Variants in ICA1 observed in about 807,000 individuals in gnomAD.
ICA1 encodes islet cell autoantigen 1, also known as 69 kDa islet cell autoantigen.
In ICA1, 40 loss-of-function variants were observed where a neutral mutation model predicts 71.0. That is an observed-to-expected ratio of 0.56 (90% CI 0.44 to 0.73). The LOEUF (loss-of-function observed/expected upper bound fraction) is 0.73. ICA1 is among the 30% of genes least tolerant of loss of function. The probability of loss-of-function intolerance (pLI) is 0.00; values close to 1 mark genes in which losing one functional copy is unlikely to be tolerated. For missense variants in ICA1, 578 were observed against 576.5 expected (o/e 1.00, Z -0.03); for synonymous variants, 207 against 209.5 (o/e 0.99, Z 0.10).
chr7:8,175,160 T>C (rs1198146699), intron 6 of ICA1, among the ~76,000 whole-genome samples: 1 of 152,128 alleles, frequency 6.6e-6, no homozygotes, highest in Non-Finnish European at 1.5e-5. Flanking sequence ...CAGAGTGGGC[T>C]GGCCAAGCTG....
Position 8,113,940 on chromosome 7 carries a change from C to T in ICA1, c.1435G>A (p.Glu479Lys), listed in dbSNP as rs755899625. The stretch of plus-strand genomic sequence containing the variant: ...GTACAGATTCATGCATTGAGCAATT[C>T]GTGTTCTTTATCGGTTTTCCCAACA... The part of the protein sequence containing the change: ...DAVGKTDKEH[E>K]LLNA The change falls in exon 14 of 14, where the codon GAA (glutamate) becomes AAA (lysine). Residue 479 changes from glutamate to lysine, a missense_variant. Transcript: ENST00000402384. The surrounding 1 kb of genome is among the most constrained non-coding windows in gnomAD (Gnocchi z 4.2). The T allele has an allele frequency of 1.8e-5, 29 of 1,614,014 alleles. No homozygotes were observed. The highest frequency in any genetic ancestry group is 2.3e-5 in the Non-Finnish European group (27 of 1,180,036).
chr7:8,176,359 T>C (rs887078905), intron 6 of ICA1, among the ~76,000 whole-genome samples: 38 of 152,246 alleles, frequency 2.5e-4, no homozygotes, highest in Non-Finnish European at 8.8e-5. Flanking sequence ...CTTAAGGGTT[T>C]GCTCCTCTGA....
chr7:8,171,632 C>G (rs898571166), intron 6 of ICA1, among the ~76,000 whole-genome samples: 2 of 151,930 alleles, frequency 1.3e-5, no homozygotes, highest in South Asian at 4.1e-4. Flanking sequence ...TGCCCCTGCT[C>G]TTAATTACTG....
At chr7:8,252,610 A>G (rs1175997846) in intron 1 of ICA1, among the ~76,000 whole-genome samples, 4 of 151,704 alleles carry the variant, frequency 2.6e-5, no homozygotes, top group Admixed American at 1.3e-4. Context: ...TTGAAGACTT[A>G]GTAACAAAAA....
In ICA1 at chr7:8,197,547, G is replaced by GAA. The variant is rs71014771; in HGVS notation, c.579+20756_579+20757dup. On this transcript the variant is annotated intron_variant, in intron 6 of 13. Coordinates refer to ENST00000402384, the MANE Select transcript of ICA1 (RefSeq NM_001136020.3). ...GGCAATAGAGTGGGACTTCGTCTCA[G>GAA]AAAAAAAAAAAAAAAGAAGAAAGAA... Among the ~76,000 whole-genome samples, 43 of 122,176 alleles carry GAA rather than the reference G, an allele frequency of 3.5e-4. 2 individuals carry two copies. Among genetic ancestry groups the GAA allele is most frequent in the African/African-American group, 8.5e-4 (26 of 30,664 alleles). 80.2% of individuals were successfully genotyped at this position (122,176 alleles called of 152,430 possible).
chr7:8,117,145 C>G (rs1382172798), intron 13 of ICA1, among the ~76,000 whole-genome samples: 1 of 152,222 alleles, frequency 6.6e-6, no homozygotes, highest in Non-Finnish European at 1.5e-5. Flanking sequence ...ACATACTTTG[C>G]TTCCCCTTCA....
At chr7:8,245,800 C>T (rs1027023600) in intron 1 of ICA1, among the ~76,000 whole-genome samples, 4 of 152,084 alleles carry the variant, frequency 2.6e-5, no homozygotes, top group African/African-American at 9.7e-5. Context: ...ATATTAAGTA[C>T]TCAAGAGCCA....
intron 6 of ICA1, among the ~76,000 whole-genome samples, chr7:8,210,549 A>G (rs1257203644): frequency 1.3e-5 from 2 of 152,170 alleles, no homozygotes; most frequent in Non-Finnish European, 2.9e-5. Context: ...ACAGACCACT[A>G]TATAATTTCC....
At chr7:8,117,512 T>G (rs919680014) in intron 13 of ICA1, among the ~76,000 whole-genome samples, 2 of 152,224 alleles carry the variant, frequency 1.3e-5, no homozygotes, top group Admixed American at 1.3e-4. Flanking sequence ...ATGCAAGTCT[T>G]ACCTTCTCAA....
At chr7:8,143,792 G>GCCCA (rs1236697922) in intron 9 of ICA1, 83 bp downstream of exon 9, 1 of 840,762 alleles carries the variant, frequency 1.2e-6, no homozygotes, top group African/African-American at 1.7e-5. Flanking sequence ...TGCGTCTGAG[G>GCCCA]CCCAGCCAGG....
At chr7:8,154,937 A>G (rs948715586) in intron 8 of ICA1, among the ~76,000 whole-genome samples, 7 of 152,200 alleles carry the variant, frequency 4.6e-5, no homozygotes, top group African/African-American at 1.4e-4. Context: ...CATAAAGAAA[A>G]ATATTAGGTT....
At chr7:8,189,685 C>T (rs745641632) in intron 6 of ICA1, among the ~76,000 whole-genome samples, 1 of 151,908 alleles carries the variant, frequency 6.6e-6, no homozygotes, top group Non-Finnish European at 1.5e-5. Context: ...CCCCCAGCTC[C>T]GAGCCTGCAG....
chr7:8,158,411 GA>G, intron 7 of ICA1, 115 bp downstream of exon 7: 2 of 1,288,310 alleles, frequency 1.6e-6, no homozygotes, highest in African/African-American at 1.5e-5. Context: ...TGAAATTACG[GA>G]AAGGCATTCA....
At chr7:8,156,749 T>C in intron 8 of ICA1, 1 of 1,320,848 alleles carries the variant, frequency 7.6e-7, no homozygotes, top group Non-Finnish European at 1.0e-6. Context: ...TAACTGAGTT[T>C]ATGGGACTTG....
intron 6 of ICA1, among the ~76,000 whole-genome samples, chr7:8,164,300 T>C (rs1325417171): frequency 6.8e-5 from 4 of 58,790 alleles, no homozygotes; most frequent in African/African-American, 2.3e-4. Flanking sequence ...CGAGACTCCG[T>C]CTCAAAAAAA....
At chr7:8,203,107 G>A (rs1790289666) in intron 6 of ICA1, among the ~76,000 whole-genome samples, 2 of 152,140 alleles carry the variant, frequency 1.3e-5, no homozygotes, top group Non-Finnish European at 2.9e-5. Flanking sequence ...ACACCAAGGG[G>A]GCTTTAGCTG....
intron 12 of ICA1, among the ~76,000 whole-genome samples, chr7:8,134,088 G>C (rs1792459955): frequency 6.6e-6 from 1 of 152,138 alleles, no homozygotes; most frequent in Admixed American, 6.5e-5. Flanking sequence ...TTAAGCTTTT[G>C]TAAAGTGTTG....
intron 6 of ICA1, among the ~76,000 whole-genome samples, chr7:8,210,232 A>G (rs943418545): frequency 2.1e-4 from 32 of 152,216 alleles, no homozygotes; most frequent in African/African-American, 7.5e-4. Context: ...CTTTGGAAGT[A>G]GAATTATTAG....
At chr7:8,152,532 ACTG>A (rs1479587725) in intron 8 of ICA1, among the ~76,000 whole-genome samples, 10 of 149,582 alleles carry the variant, frequency 6.7e-5, no homozygotes, top group Admixed American at 2.7e-4. Context: ...CTCTTTCACT[ACTG>A]CTATTACCAT....
Sources: gnomAD v4.1 joint callset for allele counts (sites outside exome capture counted in the v4.1 genomes callset) on GRCh38, gnomAD v4.1.1 for gene constraint, Gnocchi (gnomAD v3.1) non-coding constraint, MANE v1.5 for transcripts, NCBI Gene and HGNC (gene_info 2026-07-23, HGNC 2026-07-21) for gene names.